The following DCAF4 variants were observed in gnomAD, a reference collection of about 807,000 sequenced individuals.
The protein encoded by DCAF4 is DDB1- and CUL4-associated factor 4.
Under a neutral mutation model 60.9 loss-of-function variants are expected in DCAF4, and 37 were observed. That is an observed-to-expected ratio of 0.61 (90% CI 0.47 to 0.80). The LOEUF is 0.80. Among genes scored for constraint, DCAF4 ranks in the 30% least tolerant of loss-of-function variants. The pLI is 0.00. For synonymous variants in DCAF4, 243 were observed against 254.8 expected (o/e 0.95, Z 0.44); for missense variants, 577 against 650.0 (o/e 0.89, Z 1.22).
Position 72,938,126 on chromosome 14 carries a change from A to G in DCAF4, c.92+56A>G, listed in dbSNP as rs1889544762. 7 of 1,540,126 alleles carry G rather than the reference A, an allele frequency of 4.5e-6. No homozygotes were observed. In the South Asian group the frequency reaches 5.1e-5, roughly 11 times the overall value. ...GCCCAGTGTGCTTCTGGCATTGTAC[A>G]CATGGCATGTCACACGATCACAGGT... On this transcript the variant is annotated intron_variant, in intron 2 of 13. Coordinates refer to ENST00000358377, the MANE Select transcript of DCAF4 (RefSeq NM_015604.4).
At position 72,947,853 on chromosome 14, in the gene DCAF4, G is replaced by T. The variant is rs114910738; in HGVS notation, c.728+662G>T. ...CCCGGAGAGCAAGCAGAGCCACTTT[G>T]CTGAGAGCACGGTAGTACAGTGTCG... is the stretch of plus-strand genomic sequence containing the variant. On this transcript the variant is annotated intron_variant, in intron 8 of 13. Transcript: ENST00000358377. Among the ~76,000 whole-genome samples, 515 of 152,316 alleles carry T rather than the reference G, an allele frequency of 3.4e-3. 4 individuals carry two copies. Among genetic ancestry groups the T allele is most frequent in the African/African-American group, 0.012 (489 of 41,582 alleles).
intron 1 of DCAF4, among the ~76,000 whole-genome samples, chr14:72,929,374 A>G (rs1888192874): frequency 6.6e-6 from 1 of 152,172 alleles, no homozygotes; most frequent in African/African-American, 2.4e-5. Context: ...CTACATACAC[A>G]TACGCTGGGC....
intron 12 of DCAF4, 106 bp from the exon 13 acceptor site, chr14:72,956,280 C>T: frequency 1.3e-6 from 1 of 753,258 alleles, no homozygotes; most frequent in South Asian, 1.9e-5. Flanking sequence ...ATCTTCATGA[C>T]CTGCACAGGC....
intron 9 of DCAF4, among the ~76,000 whole-genome samples, chr14:72,952,972 T>C (rs7141910): frequency 0.36 from 48,671 of 134,308 alleles, 9,487 homozygotes; most frequent in East Asian, 0.69. Flanking sequence ...GGATTACAGG[T>C]GTGAGCCACA....
chr14:72,947,608 A>G (rs2806044), intron 8 of DCAF4, among the ~76,000 whole-genome samples: 97,797 of 151,758 alleles, frequency 0.64, 32,298 homozygotes, highest in Admixed American at 0.74. Flanking sequence ...GCAGAGGAAC[A>G]AGGCAGAAAG....
rs565758958 is a variant in DCAF4 at position 72,952,433 on chromosome 14, G to A, written c.808+556G>A. Among the ~76,000 whole-genome samples the A allele has an allele frequency of 2.6e-5, 4 of 152,270 alleles. No individual in the cohort carries two copies. In the East Asian group the frequency reaches 5.8e-4, roughly 22 times the overall value. On this transcript the variant is annotated intron_variant, in intron 9 of 13. Transcript: ENST00000358377. ...GACAGGGCCTTCTCAGTCCACATCC[G>A]TGGAGAATTAGGTGAGATCATGCAC...
At chr14:72,935,007 G>A (rs1889068556) in intron 1 of DCAF4, 1 of 152,310 alleles carries the variant, frequency 6.6e-6, no homozygotes, top group Middle Eastern at 3.4e-3. Context: ...AACAAAGTAG[G>A]ATGTTTGCCT....
At chr14:72,944,172 C>T (rs925787197) in intron 6 of DCAF4, among the ~76,000 whole-genome samples, 1 of 152,138 alleles carries the variant, frequency 6.6e-6, no homozygotes, top group African/African-American at 2.4e-5. Context: ...CTTCCTCTCT[C>T]CTGACCCAGG....
intron 3 of DCAF4, 27 bp from the exon 4 acceptor site, chr14:72,940,193 T>C (rs568085633): frequency 1.9e-6 from 3 of 1,613,582 alleles, no homozygotes; most frequent in African/African-American, 1.3e-5. Context: ...TGGTTGAAAT[T>C]GGTGCATTTA....
downstream of DCAF4, among the ~76,000 whole-genome samples, chr14:72,961,595 A>G (rs1892822961): frequency 6.6e-6 from 1 of 152,250 alleles, no homozygotes; most frequent in African/African-American, 2.4e-5. Context: ...CTGTCCCAGC[A>G]CAAACCATTC....
chr14:72,945,727 G>A (rs552278010), intron 6 of DCAF4, among the ~76,000 whole-genome samples, 157 bp from the exon 7 acceptor site: 2 of 152,278 alleles, frequency 1.3e-5, no homozygotes, highest in East Asian at 1.9e-4. Flanking sequence ...ACTAAGTTGG[G>A]GAAAGTGAGG....
rs749748418 is a variant in DCAF4, at chr14:72,943,038, T to C, written c.476T>C (p.Val159Ala). 2.5e-6 allele frequency: 4 copies of C among 1,614,156 alleles called. No individual in the cohort carries two copies. In the East Asian group the frequency reaches 6.7e-5, roughly 27 times the overall value. ...CTCAGCTGCATGGAGAGGAAAAAGG[T>C]CCAGATTCGAAGCATGGATCCCTCC... is the stretch of plus-strand genomic sequence containing the variant. Reference protein sequence around the residue: ...LRLSCMERKKVQIRSMDPSAL... With the variant: ...LRLSCMERKKAQIRSMDPSAL... The change falls in exon 6 of 14, where the codon GTC (valine) becomes GCC (alanine). Residue 159 changes from valine (V) to alanine (A), a missense_variant. Val to Ala is a moderately conservative substitution (Grantham distance 64, BLOSUM62 0). Coordinates refer to ENST00000358377, the MANE Select transcript of DCAF4 (RefSeq NM_015604.4).
chr14:72,937,469 G>C (rs1424136455), intron 1 of DCAF4, among the ~76,000 whole-genome samples: 3 of 134,044 alleles, frequency 2.2e-5, no homozygotes. Flanking sequence ...CTAGAGTGCA[G>C]TTTACAGTGA....
intron 1 of DCAF4, 72 bp from the exon 2 acceptor site, chr14:72,937,899 T>A (rs1889503943): frequency 6.8e-7 from 1 of 1,478,308 alleles, no homozygotes; most frequent in African/African-American, 1.4e-5. Flanking sequence ...ATGAAGCAGC[T>A]GCCAAGAAGC....
At chr14:72,953,200 A>G (rs1891669527) in intron 9 of DCAF4, among the ~76,000 whole-genome samples, 1 of 149,992 alleles carries the variant, frequency 6.7e-6, no homozygotes, top group African/African-American at 2.5e-5. Flanking sequence ...GGGATTCTCC[A>G]TGTTGGTCAG....
At chr14:72,958,499 T>C in intron 13 of DCAF4, 113 bp from the exon 14 acceptor site, 1 of 1,244,530 alleles carries the variant, frequency 8.0e-7, no homozygotes, top group Non-Finnish European at 1.1e-6. Context: ...GTTTGTGTTT[T>C]GGCTCACATG....
chr14:72,927,318 T>C (rs1887706876), intron 1 of DCAF4, among the ~76,000 whole-genome samples: 1 of 146,794 alleles, frequency 6.8e-6, no homozygotes, highest in Admixed American at 6.9e-5. Flanking sequence ...TAAATAACGA[T>C]GGAAATTAGA....
intron 8 of DCAF4, among the ~76,000 whole-genome samples, chr14:72,950,983 A>G (rs530181831): frequency 1.9e-3 from 296 of 151,870 alleles, no homozygotes; most frequent in African/African-American, 6.9e-3. Context: ...GGGCTTTTTA[A>G]TAGTATTTTA....
intron 1 of DCAF4, among the ~76,000 whole-genome samples, chr14:72,929,099 T>G (rs756363847): frequency 2.0e-4 from 30 of 152,124 alleles, no homozygotes; most frequent in Non-Finnish European, 3.5e-4. Flanking sequence ...TGCTCCCTAC[T>G]GGGTGTAGCG....
Sources: gnomAD v4.1 joint callset for allele counts (sites outside exome capture counted in the v4.1 genomes callset) on GRCh38, gnomAD v4.1.1 for gene constraint, MANE v1.5 for transcripts, NCBI Gene and HGNC (gene_info 2026-07-23, HGNC 2026-07-21) for gene names.